GALNT16: variants seen among roughly 807,000 people sequenced by gnomAD.
GALNT16 encodes polypeptide N-acetylgalactosaminyltransferase 16.
GALNT16 carries 40 observed loss-of-function variants against 76.1 expected under a neutral mutation model. The ratio of observed to expected loss-of-function variants is 0.53; its 90% CI spans 0.41 to 0.68. The LOEUF is 0.68. Ranked by LOEUF, GALNT16 falls within the 30% of genes least tolerant of loss-of-function variation. The probability of loss-of-function intolerance (pLI) is 0.00; values close to 1 mark genes in which losing one functional copy is unlikely to be tolerated. For missense variants in GALNT16, 621 were observed against 731.9 expected, an observed-to-expected ratio of 0.85 and a Z score of 1.75; for synonymous variants, 276 against 285.2, an observed-to-expected ratio of 0.97 and a Z score of 0.32.
chr14:69,278,751 C>A (rs1372249408), intron 1 of GALNT16, among the ~76,000 whole-genome samples: 1 of 152,154 alleles, frequency 6.6e-6, no homozygotes, highest in Non-Finnish European at 1.5e-5. Flanking sequence ...TTATAAACAA[C>A]ACAGTGAGCA....
intron 1 of GALNT16, among the ~76,000 whole-genome samples, chr14:69,292,048 A>G (rs1453462763): frequency 1.3e-5 from 2 of 152,216 alleles, no homozygotes; most frequent in Non-Finnish European, 2.9e-5. Flanking sequence ...TCTGGCAGGA[A>G]AGGGGACCTG....
At chr14:69,281,511 C>T (rs2044541098) in intron 1 of GALNT16, among the ~76,000 whole-genome samples, 1 of 152,172 alleles carries the variant, frequency 6.6e-6, no homozygotes, top group South Asian at 2.1e-4. Flanking sequence ...AGGACAATTG[C>T]AAAGCTGGTG....
At chr14:69,325,219 C>T (rs1002730064) in intron 3 of GALNT16, 118 bp from the exon 4 acceptor site, 29 of 732,280 alleles carry the variant, frequency 4.0e-5, no homozygotes, top group Admixed American at 9.6e-5. Context: ...CAGGTAGGAG[C>T]GCCCAGCATG....
chr14:69,321,055 A>C (rs2045173823), intron 2 of GALNT16, among the ~76,000 whole-genome samples, 187 bp downstream of exon 2: 1 of 152,216 alleles, frequency 6.6e-6, no homozygotes, highest in Non-Finnish European at 1.5e-5. Context: ...CCCTGCCAAG[A>C]CCAAGGAAAC....
At chr14:69,263,274 CCTCTAAGTAAGGAGGTGG>C (rs1342920648) in intron 1 of GALNT16, among the ~76,000 whole-genome samples, 3 of 152,170 alleles carry the variant, frequency 2.0e-5, no homozygotes, top group Admixed American at 6.5e-5. Context: ...TCAACTGTAA[CCTCTAAGTAAGGAGGTGG>C]CTCTAAGTAA....
At chr14:69,371,113 G>A in the GALNT16 span, among the ~76,000 whole-genome samples, 40 of 152,286 alleles carry the variant, frequency 2.6e-4, no homozygotes, top group South Asian at 8.1e-3. Context: ...AAGAAGTGCC[G>A]GAAGTTGAAC....
the GALNT16 span, among the ~76,000 whole-genome samples, chr14:69,366,855 G>C: frequency 4.6e-5 from 7 of 152,172 alleles, no homozygotes; most frequent in East Asian, 1.3e-3. Context: ...ACTCTTCAAA[G>C]AGCAGAGATG....
At chr14:69,260,562 C>T in intron 1 of GALNT16, 95 bp downstream of exon 1, 3 of 866,154 alleles carry the variant, frequency 3.5e-6, no homozygotes, top group Non-Finnish European at 4.5e-6. Flanking sequence ...CCGGCCAGGG[C>T]TGAGTGCCCG....
At chr14:69,374,960 T>C in the GALNT16 span, among the ~76,000 whole-genome samples, 1 of 152,208 alleles carries the variant, frequency 6.6e-6, no homozygotes, top group African/African-American at 2.4e-5. Flanking sequence ...CATTAATTTA[T>C]TCATAAGGCT....
chr14:69,327,829 G>A (rs1015476726), intron 5 of GALNT16, among the ~76,000 whole-genome samples: 1 of 152,218 alleles, frequency 6.6e-6, no homozygotes, highest in Non-Finnish European at 1.5e-5. Flanking sequence ...GGCTGGTGAG[G>A]CTATCGGGGG....
At chr14:69,347,234 G>A in intron 13 of GALNT16, 53 bp downstream of exon 13, 2 of 1,505,184 alleles carry the variant, frequency 1.3e-6, no homozygotes, top group Non-Finnish European at 1.8e-6. Context: ...GCATTGTCCA[G>A]GAGTGGGGTG....
chr14:69,282,784 T>C (rs976810121), intron 1 of GALNT16, among the ~76,000 whole-genome samples: 16 of 151,964 alleles, frequency 1.1e-4, no homozygotes, highest in Non-Finnish European at 8.8e-5. Flanking sequence ...TCCTGCCTCA[T>C]CCCTCCTGAG....
the GALNT16 span, among the ~76,000 whole-genome samples, chr14:69,362,847 G>A: frequency 2.6e-5 from 4 of 152,214 alleles, no homozygotes; most frequent in African/African-American, 9.6e-5. Context: ...GCTCAGACAT[G>A]GTGGCCTGAA....
At chr14:69,282,965 C>T (rs974112558) in intron 1 of GALNT16, among the ~76,000 whole-genome samples, 7 of 152,094 alleles carry the variant, frequency 4.6e-5, no homozygotes, top group East Asian at 1.9e-4. Context: ...TGCACCTGGC[C>T]GAGATGATTT....
In GALNT16 at chr14:69,333,511, C is replaced by T; in HGVS notation, c.878C>T (p.Ala293Val). ...PTRPIRTPVI[A>V]GGIFVIDKSW... ...CTTGCTCCCAGGACGCCTGTCATAG[C>T]TGGAGGAATCTTCGTGATCGACAAG... is the stretch of plus-strand genomic sequence containing the variant. The change falls in exon 9 of 15, where the codon GCT becomes GTT. Residue 293 changes from alanine to valine, a missense_variant. Transcript: ENST00000448469. This position sits in a 1 kb window ranked among gnomAD's most constrained non-coding sequence, Gnocchi z 4.2. 1 of 1,609,032 alleles carries T rather than the reference C, an allele frequency of 6.2e-7. No homozygotes were observed. Among genetic ancestry groups the T allele is most frequent in the Non-Finnish European group, 8.5e-7 (1 of 1,175,862 alleles).
intron 1 of GALNT16, among the ~76,000 whole-genome samples, chr14:69,308,884 A>G (rs979146841): frequency 6.6e-6 from 1 of 152,266 alleles, no homozygotes; most frequent in African/African-American, 2.4e-5. Flanking sequence ...CCAATGTATA[A>G]AAGCTTCTAT....
chr14:69,348,054 C>G (rs1382461524), intron 14 of GALNT16, 52 bp downstream of exon 14: 1 of 1,594,738 alleles, frequency 6.3e-7, no homozygotes, highest in African/African-American at 1.3e-5. Flanking sequence ...GGGGCCATGC[C>G]TCAGGGTGGC....
intron 1 of GALNT16, among the ~76,000 whole-genome samples, chr14:69,273,816 T>C (rs1303535129): frequency 1.3e-5 from 2 of 152,188 alleles, no homozygotes; most frequent in Non-Finnish European, 2.9e-5. Flanking sequence ...AGATAGGACA[T>C]AGTTAGAGCC....
At chr14:69,375,900 A>G in the GALNT16 span, among the ~76,000 whole-genome samples, 1 of 152,198 alleles carries the variant, frequency 6.6e-6, no homozygotes, top group Non-Finnish European at 1.5e-5. Context: ...TGGCCTCCCA[A>G]AGTGCTGAGA....
Sources: allele counts gnomAD v4.1 joint callset (sites outside exome capture counted in the v4.1 genomes callset), GRCh38; gene constraint gnomAD v4.1.1; non-coding constraint Gnocchi (gnomAD v3.1); transcripts MANE v1.5; gene names NCBI Gene and HGNC (gene_info 2026-07-23, HGNC 2026-07-21).